NRXN1: variants seen among roughly 807,000 people sequenced by gnomAD.
NRXN1 encodes neurexin-1.
NRXN1 carries 39 observed loss-of-function variants against 150.9 expected under a neutral mutation model. The observed-to-expected ratio is 0.26, with a 90% CI of 0.20 to 0.34. The LOEUF is 0.34. Among genes scored for constraint, NRXN1 ranks in the 10% least tolerant of loss-of-function variants. The pLI, the probability that NRXN1 is intolerant of heterozygous loss-of-function variation, is 1.00. For missense variants in NRXN1, 1,815 were observed against 1,949.9 expected, an observed-to-expected ratio of 0.93 and a Z score of 1.30; for synonymous variants, 924 against 757.0, an observed-to-expected ratio of 1.22 and a Z score of -3.62.
chr2:50,485,010 T>C (rs914249280), intron 15 of NRXN1, among the ~76,000 whole-genome samples: 1 of 152,208 alleles, frequency 6.6e-6, no homozygotes, highest in Non-Finnish European at 1.5e-5. Context: ...AATACTGCCG[T>C]AGACCTGGGT....
intron 2 of NRXN1, among the ~76,000 whole-genome samples, chr2:50,939,547 C>A (rs2104470238): frequency 6.6e-6 from 1 of 152,076 alleles, no homozygotes; most frequent in African/African-American, 2.4e-5. Flanking sequence ...TTAGGATGAT[C>A]TCAAGCAACT....
At chr2:50,145,854 A>G (rs940540801) in intron 18 of NRXN1, among the ~76,000 whole-genome samples, 10 of 151,672 alleles carry the variant, frequency 6.6e-5, no homozygotes, top group Non-Finnish European at 1.0e-4. Flanking sequence ...TGACAGCTCA[A>G]TTGATTTTTA....
rs1178186449 is a variant in NRXN1 at position 50,347,932 on chromosome 2, G to T, written c.3365-110962C>A. The T allele has an allele frequency of 1.0e-5, 7 of 689,810 alleles. No individual in the cohort carries two copies. In the East Asian group the frequency reaches 9.5e-4, roughly 94 times the overall value. The allele number at this position is 689,810 out of a possible 1,614,324, so 42.7% of individuals were successfully genotyped here. A position where few individuals can be genotyped will look rare whatever the true frequency, so the allele number is the denominator to read the frequency against. The stretch of plus-strand genomic sequence containing the variant: ...TTTGCCTCTCCCTTGCATTCTCCAC[G>T]CATCAAAGGGACACGTGTAAGGCGA... On this transcript the variant is annotated intron_variant, in intron 17 of 22. Transcript: ENST00000401669. The surrounding 1 kb of genome is among the most constrained non-coding windows in gnomAD (Gnocchi z 4.9).
At chr2:50,901,500 G>C (rs1419616021) in intron 5 of NRXN1, among the ~76,000 whole-genome samples, 1 of 152,012 alleles carries the variant, frequency 6.6e-6, no homozygotes, top group Non-Finnish European at 1.5e-5. Context: ...TTGCGCCACT[G>C]CACTCCAGCC....
At chr2:51,021,294 C>A (rs1174307597) in intron 2 of NRXN1, among the ~76,000 whole-genome samples, 1 of 151,886 alleles carries the variant, frequency 6.6e-6, no homozygotes, top group Admixed American at 6.6e-5. Flanking sequence ...TATTGTAAGG[C>A]CTAATTTTCA....
chr2:50,416,559 A>T (rs1489419239), intron 17 of NRXN1, among the ~76,000 whole-genome samples: 1 of 152,078 alleles, frequency 6.6e-6, no homozygotes, highest in Non-Finnish European at 1.5e-5. Context: ...CTGTTCTCAC[A>T]CTCCTATAAA....
chr2:50,593,445 G>A (rs1292991485), intron 8 of NRXN1, among the ~76,000 whole-genome samples: 3 of 152,126 alleles, frequency 2.0e-5, no homozygotes, highest in Non-Finnish European at 2.9e-5. Flanking sequence ...AATATAAACT[G>A]TGAGGTATAA....
rs1315848309 is a variant in NRXN1 at position 50,358,201 on chromosome 2, C to T, written c.3364+107241G>A. Among the ~76,000 whole-genome samples, 3 of 152,176 alleles carry T rather than the reference C, an allele frequency of 2.0e-5. 1 individual carries two copies. In the South Asian group the frequency reaches 6.2e-4, roughly 32 times the overall value. On this transcript the variant is annotated intron_variant, in intron 17 of 22. Coordinates refer to ENST00000401669, the MANE Select transcript of NRXN1 (RefSeq NM_001330078.2). ...GCTGCAGGAGTTTTTCTTTCTACCC[C>T]AGTAGTGCCTCGAACGTCAGCGAGA...
At chr2:50,577,935 T>TA (rs1221810653) in intron 8 of NRXN1, among the ~76,000 whole-genome samples, 1 of 152,170 alleles carries the variant, frequency 6.6e-6, no homozygotes, top group Non-Finnish European at 1.5e-5. Context: ...TGTGCATAGA[T>TA]AGATACTATA....
intron 21 of NRXN1, among the ~76,000 whole-genome samples, chr2:50,027,928 G>C (rs1005229519): frequency 6.6e-6 from 1 of 152,072 alleles, no homozygotes; most frequent in Non-Finnish European, 1.5e-5. Flanking sequence ...CTATTATGTT[G>C]TGTTAGTTTT....
rs1488304976 is a variant in NRXN1 at position 50,625,801 on chromosome 2, T to C, written c.833-2186A>G. On this transcript the variant is annotated intron_variant, in intron 5 of 22. Coordinates refer to ENST00000401669, the MANE Select transcript of NRXN1 (RefSeq NM_001330078.2). ...TTTCAGAATGAATGTGAAGATACAA[T>C]GAGATAATGTCTGTGCAGACATCTG... 4.6e-5 allele frequency among the ~76,000 whole-genome samples: 7 copies of C among 152,158 alleles called. No homozygotes were observed. In the East Asian group the frequency reaches 1.2e-3, roughly 25 times the overall value.
intron 18 of NRXN1, among the ~76,000 whole-genome samples, chr2:50,145,420 T>C (rs1707861839): frequency 6.6e-6 from 1 of 151,704 alleles, no homozygotes; most frequent in Non-Finnish European, 1.5e-5. Context: ...TCTTACATAA[T>C]CATAATGTTA....
intron 16 of NRXN1, among the ~76,000 whole-genome samples, chr2:50,470,177 T>C (rs1286774109): frequency 6.6e-6 from 1 of 151,764 alleles, no homozygotes. Context: ...AATACCTTTC[T>C]TTAAAAAATA....
chr2:51,016,253 C>T (rs1207509878), intron 2 of NRXN1, among the ~76,000 whole-genome samples: 1 of 152,128 alleles, frequency 6.6e-6, no homozygotes, highest in African/African-American at 2.4e-5. Flanking sequence ...CCAAAATTGA[C>T]ATATGGGGTC....
rs187048933 is a variant in NRXN1, at chr2:50,615,851, G to A, written c.1320+4171C>T. ...GCAGTCACTCAAAAACTGCTTGTTA[G>A]AAAATTTAATTAAATATAAAATGAT... On this transcript the variant is annotated intron_variant, in intron 8 of 22. Coordinates refer to ENST00000401669, the MANE Select transcript of NRXN1 (RefSeq NM_001330078.2). 20 of 152,120 alleles carry A rather than the reference G, an allele frequency of 1.3e-4. 1 individual carries two copies. The East Asian group carries it at 3.9e-3, about 29-fold the overall frequency. 9.4% of individuals were successfully genotyped at this position (152,120 alleles called of 1,614,324 possible).
At chr2:50,458,773 T>C (rs1466221351) in intron 17 of NRXN1, among the ~76,000 whole-genome samples, 1 of 151,924 alleles carries the variant, frequency 6.6e-6, no homozygotes, top group Non-Finnish European at 1.5e-5. Flanking sequence ...GTAGAGATGG[T>C]GTTTCACCAT....
At chr2:50,397,479 C>T (rs1520451) in intron 17 of NRXN1, among the ~76,000 whole-genome samples, 16,292 of 152,058 alleles carry the variant, frequency 0.11, 981 homozygotes, top group Non-Finnish European at 0.13. Context: ...CGAGTAGGTG[C>T]CATTATTACA....
intron 5 of NRXN1, among the ~76,000 whole-genome samples, chr2:50,686,447 T>C (rs541171285): frequency 1.5e-3 from 222 of 152,286 alleles, no homozygotes; most frequent in Non-Finnish European, 2.6e-3. Flanking sequence ...GGGAACTATG[T>C]CACTAGATAC....
At chr2:50,254,177 T>C (rs748276706) in intron 17 of NRXN1, among the ~76,000 whole-genome samples, 10 of 151,972 alleles carry the variant, frequency 6.6e-5, no homozygotes, top group Admixed American at 1.3e-4. Flanking sequence ...ATCCATATTC[T>C]CTAGATTTTC....
Sources: allele counts gnomAD v4.1 joint callset (sites outside exome capture counted in the v4.1 genomes callset), GRCh38; gene constraint gnomAD v4.1.1; non-coding constraint Gnocchi (gnomAD v3.1); transcripts MANE v1.5; gene names NCBI Gene and HGNC (gene_info 2026-07-23, HGNC 2026-07-21).